The following ACACA variants were observed in gnomAD, a reference collection of about 807,000 sequenced individuals.
ACACA encodes acetyl-CoA carboxylase 1.
A neutral mutation model predicts 296.1 loss-of-function variants in ACACA; 103 were observed. That is an observed-to-expected ratio of 0.35 (90% CI 0.30 to 0.41). ACACA has a LOEUF of 0.41. ACACA is among the 10% of genes least tolerant of loss of function. The pLI, the probability that ACACA is intolerant of heterozygous loss-of-function variation, is 1.00. For synonymous variants in ACACA, 953 were observed against 1,038.6 expected (o/e 0.92, Z 1.58); for missense variants, 1,554 against 2,989.7 (o/e 0.52, Z 11.20).
intron 24 of ACACA, among the ~76,000 whole-genome samples, chr17:37,237,877 T>C (rs541889771): frequency 2.4e-3 from 361 of 152,278 alleles, no homozygotes; most frequent in Non-Finnish European, 4.2e-3. Flanking sequence ...TCCTCCAACC[T>C]GAGCCTCCCA....
At chr17:37,228,210 T>C (rs2079646493) in intron 25 of ACACA, among the ~76,000 whole-genome samples, 3 of 133,016 alleles carry the variant, frequency 2.3e-5, no homozygotes, top group African/African-American at 1.0e-4. Flanking sequence ...CAAACCCTTT[T>C]TTTTTTTTTT....
intron 40 of ACACA, among the ~76,000 whole-genome samples, chr17:37,180,088 C>T (rs1470233982): frequency 2.0e-5 from 3 of 152,200 alleles, no homozygotes; most frequent in Non-Finnish European, 2.9e-5. Context: ...CTCAAAGCAA[C>T]ATTTGAATCC....
chr17:37,307,318 C>T (rs2083928471), intron 3 of ACACA, among the ~76,000 whole-genome samples: 1 of 152,202 alleles, frequency 6.6e-6, no homozygotes, highest in South Asian at 2.1e-4. Flanking sequence ...TCTAAAGTGG[C>T]TGTACCAATT....
intron 1 of ACACA, among the ~76,000 whole-genome samples, chr17:37,349,799 T>A (rs2048813168): frequency 6.6e-6 from 1 of 151,982 alleles, no homozygotes; most frequent in Non-Finnish European, 1.5e-5. Context: ...CCTCAAGTGA[T>A]CCGCCTGCCT....
At position 37,383,257 on chromosome 17, in the gene ACACA, T is replaced by C. The variant is rs142551381; in HGVS notation, c.38+23005A>G. The stretch of plus-strand genomic sequence containing the variant: ...TGAGACTTGGGGCAATTAAGGACAT[T>C]AGCTCTTAGAAATTGGGACAAGGAA... On this transcript the variant is annotated intron_variant, in intron 1 of 55. Coordinates refer to ENST00000616317, the MANE Select transcript of ACACA (RefSeq NM_198834.3). 4.8e-3 allele frequency among the ~76,000 whole-genome samples: 737 copies of C among 152,142 alleles called. 3 individuals carry two copies. Among genetic ancestry groups the C allele is most frequent in the African/African-American group, 0.017 (690 of 41,496 alleles).
intron 1 of ACACA, among the ~76,000 whole-genome samples, chr17:37,366,613 C>A (rs2049614342): frequency 6.6e-6 from 1 of 151,836 alleles, no homozygotes; most frequent in Non-Finnish European, 1.5e-5. Flanking sequence ...GGATTACAGG[C>A]ACCTGCCACC....
At chr17:37,195,066 G>A (rs1284013808) in intron 35 of ACACA, among the ~76,000 whole-genome samples, 1 of 151,940 alleles carries the variant, frequency 6.6e-6, no homozygotes, top group Non-Finnish European at 1.5e-5. Context: ...ATTCTAGTGA[G>A]GTACAGCTTT....
rs758663062 is a variant in ACACA at position 37,122,680 on chromosome 17, G to A, written c.6042-53C>T. Reference sequence around the variant, plus strand: ...CCAATGTATGTCAACATTATAGCTAGCCATTTGTTTTCCAATCCCAAATCA... The same window carrying A: ...CCAATGTATGTCAACATTATAGCTAACCATTTGTTTTCCAATCCCAAATCA... On this transcript the variant is annotated intron_variant, in intron 48 of 55. Coordinates refer to ENST00000616317, the MANE Select transcript of ACACA (RefSeq NM_198834.3). 19 of 1,478,852 alleles carry A rather than the reference G, an allele frequency of 1.3e-5. No individual in the cohort carries two copies. In the South Asian group the frequency reaches 2.1e-4, roughly 17 times the overall value. The allele number at this position is 1,478,852 out of a possible 1,614,324, so 91.6% of individuals were successfully genotyped here.
intron 3 of ACACA, among the ~76,000 whole-genome samples, chr17:37,303,035 ATCC>A (rs2083705444): frequency 6.6e-6 from 1 of 152,130 alleles, no homozygotes; most frequent in Admixed American, 6.6e-5. Context: ...GGCTCAAGCA[ATCC>A]TCCTGCCTCA....
At chr17:37,374,617 T>C (rs1254208235) in intron 1 of ACACA, among the ~76,000 whole-genome samples, 2 of 152,122 alleles carry the variant, frequency 1.3e-5, no homozygotes, top group East Asian at 1.9e-4. Flanking sequence ...CATCTATCTA[T>C]GCCATGACAA....
intron 50 of ACACA, among the ~76,000 whole-genome samples, chr17:37,119,653 T>C (rs1308762055): frequency 2.2e-5 from 3 of 137,454 alleles, no homozygotes; most frequent in Non-Finnish European, 4.7e-5. Flanking sequence ...ATCAACCTAG[T>C]CAACATTTTG....
intron 3 of ACACA, among the ~76,000 whole-genome samples, chr17:37,321,064 A>C (rs1298046911): frequency 6.6e-6 from 1 of 152,194 alleles, no homozygotes; most frequent in East Asian, 1.9e-4. Context: ...TCCGGCATAC[A>C]GTAAAGCACT....
chr17:37,112,145 G>A (rs1435867765), intron 51 of ACACA, among the ~76,000 whole-genome samples: 1 of 151,868 alleles, frequency 6.6e-6, no homozygotes, highest in Non-Finnish European at 1.5e-5. Flanking sequence ...CACTAAGCCA[G>A]GCCAAGTAGG....
intron 1 of ACACA, chr17:37,358,869 T>G: frequency 1.2e-6 from 1 of 842,874 alleles, no homozygotes; most frequent in Non-Finnish European, 1.4e-6. Flanking sequence ...CCGATCTGGA[T>G]AGTGTGGAGC....
At chr17:37,362,693 A>C (rs189319980) in intron 1 of ACACA, among the ~76,000 whole-genome samples, 1 of 152,260 alleles carries the variant, frequency 6.6e-6, no homozygotes, top group East Asian at 1.9e-4. Flanking sequence ...AGGGTGCGCC[A>C]GGCGCGGTGG....
intron 50 of ACACA, among the ~76,000 whole-genome samples, chr17:37,119,700 G>A (rs929708753): frequency 6.0e-5 from 9 of 150,712 alleles, no homozygotes; most frequent in Middle Eastern, 3.2e-3. Context: ...CTTCCTAGAC[G>A]AGTAAGGAAA....
chr17:37,221,685 C>T (rs1205114654), intron 29 of ACACA, 39 bp downstream of exon 29: 6 of 1,484,410 alleles, frequency 4.0e-6, no homozygotes, highest in South Asian at 3.4e-5. Flanking sequence ...CATGGTATAC[C>T]TCTGGCTGGC....
intron 1 of ACACA, among the ~76,000 whole-genome samples, chr17:37,359,406 G>A (rs1266738870): frequency 1.3e-5 from 2 of 150,060 alleles, no homozygotes; most frequent in Non-Finnish European, 3.0e-5. Flanking sequence ...AGCGGCTAGA[G>A]GGCGGGCGGG....
intron 3 of ACACA, among the ~76,000 whole-genome samples, chr17:37,293,700 C>A (rs936846872): frequency 1.3e-5 from 2 of 152,020 alleles, no homozygotes; most frequent in African/African-American, 4.8e-5. Context: ...CACCACCATG[C>A]CCAGCTAGTT....
Sources: gnomAD v4.1 joint callset for allele counts (sites outside exome capture counted in the v4.1 genomes callset) on GRCh38, gnomAD v4.1.1 for gene constraint, MANE v1.5 for transcripts, NCBI Gene and HGNC (gene_info 2026-07-23, HGNC 2026-07-21) for gene names.